The following DISC1 variants were observed in gnomAD, a reference collection of about 807,000 sequenced individuals.
DISC1 encodes the protein disrupted in schizophrenia 1 protein.
In DISC1, 57 loss-of-function variants were observed where a neutral mutation model predicts 84.5. The ratio of observed to expected loss-of-function variants is 0.67; its 90% CI spans 0.55 to 0.84. The LOEUF (loss-of-function observed/expected upper bound fraction) is 0.84, where lower values mean the gene tolerates loss of function less well. Among genes scored for constraint, DISC1 ranks in the 40% least tolerant of loss-of-function variants. The pLI is 0.00. For missense variants in DISC1, 1,000 were observed against 1,057.8 expected (o/e 0.95, Z 0.76); for synonymous variants, 411 against 415.2 (o/e 0.99, Z 0.12).
At chr1:231,724,599 T>G (rs1378116618) in intron 3 of DISC1, among the ~76,000 whole-genome samples, 10 of 152,222 alleles carry the variant, frequency 6.6e-5, no homozygotes, top group Admixed American at 6.5e-4. Context: ...TCTTTTCTTC[T>G]TCCTTCCTTT....
intron 10 of DISC1, among the ~76,000 whole-genome samples, chr1:231,966,399 A>C (rs1661126608): frequency 6.6e-6 from 1 of 152,234 alleles, no homozygotes; most frequent in Non-Finnish European, 1.5e-5. Context: ...TTATTTTCTC[A>C]ATTATTACAT....
At chr1:231,750,771 T>A (rs746022774) in intron 4 of DISC1, among the ~76,000 whole-genome samples, 1 of 152,180 alleles carries the variant, frequency 6.6e-6, no homozygotes, top group Non-Finnish European at 1.5e-5. Flanking sequence ...CCTTTCTCCC[T>A]AGGTAAAGGT....
intron 9 of DISC1, among the ~76,000 whole-genome samples, chr1:231,953,524 C>T (rs1004538800): frequency 4.6e-5 from 7 of 152,162 alleles, no homozygotes; most frequent in African/African-American, 7.2e-5. Context: ...TTCATTCACT[C>T]GAAGACAGCA....
intron 1 of DISC1, among the ~76,000 whole-genome samples, chr1:231,643,451 C>T (rs1239396929): frequency 6.6e-6 from 1 of 152,292 alleles, no homozygotes; most frequent in Non-Finnish European, 1.5e-5. Context: ...TTCCCCGGGA[C>T]GCTGATGTCC....
In DISC1 at chr1:232,039,566, A is replaced by C. The variant is rs140238958; in HGVS notation, c.*2735A>C. 1.3e-5 allele frequency: 2 copies of C among 152,164 alleles called. No homozygotes were observed. The highest frequency in any genetic ancestry group is 4.8e-5 in the African/African-American group (2 of 41,514). The allele number at this position is 152,164 out of a possible 1,614,324, so 9.4% of individuals were successfully genotyped here. A position where few individuals can be genotyped will look rare whatever the true frequency, so the allele number is the denominator to read the frequency against. On this transcript the variant is annotated 3_prime_UTR_variant, in exon 13 of 13. Transcript: ENST00000439617. ...TGCTTGGTCTTAGAGTATCATTCAG[A>C]AAGTCCGCTAAGGGCCAGCGTGCTT...
intron 12 of DISC1, among the ~76,000 whole-genome samples, chr1:232,030,552 T>C (rs1313140264): frequency 6.6e-6 from 1 of 152,236 alleles, no homozygotes; most frequent in African/African-American, 2.4e-5. Context: ...TCTCTGGTTA[T>C]TTGGAGTGCA....
intron 1 of DISC1, among the ~76,000 whole-genome samples, chr1:231,683,632 GTGGTT>G (rs1184749095): frequency 1.3e-5 from 2 of 151,534 alleles, no homozygotes; most frequent in Non-Finnish European, 2.9e-5. Context: ...GAATCCCAGT[GTGGTT>G]TCCTTGGATG....
chr1:231,795,469 C>T (rs1558558707), intron 7 of DISC1, among the ~76,000 whole-genome samples, 173 bp downstream of exon 7: 1 of 152,198 alleles, frequency 6.6e-6, no homozygotes, highest in Non-Finnish European at 1.5e-5. Flanking sequence ...GTGCTTCTGT[C>T]ATAGTGGAGG....
intron 10 of DISC1, among the ~76,000 whole-genome samples, chr1:231,996,023 G>C (rs1477998010): frequency 6.6e-6 from 1 of 152,160 alleles, no homozygotes; most frequent in Non-Finnish European, 1.5e-5. Flanking sequence ...ACTTTTTAAT[G>C]ATTGCCATTC....
chr1:231,745,244 C>T (rs1017925890), intron 3 of DISC1, among the ~76,000 whole-genome samples: 16 of 151,622 alleles, frequency 1.1e-4, no homozygotes, highest in East Asian at 7.8e-4. Flanking sequence ...TTTTTTGAGA[C>T]GTAGTTTTCC....
At chr1:231,812,189 A>G (rs2080372516) in intron 8 of DISC1, among the ~76,000 whole-genome samples, 1 of 152,078 alleles carries the variant, frequency 6.6e-6, no homozygotes, top group Admixed American at 6.6e-5. Context: ...CCAAGTAGCT[A>G]GGACTAAAGG....
At chr1:232,008,685 G>C (rs186899603) in intron 10 of DISC1, 100 bp from the exon 11 acceptor site, 1 of 1,373,886 alleles carries the variant, frequency 7.3e-7, no homozygotes, top group African/African-American at 1.4e-5. Context: ...TCAAGTATAA[G>C]ATGACCAGCT....
intron 1 of DISC1, among the ~76,000 whole-genome samples, chr1:231,672,746 A>T (rs1300367472): frequency 6.6e-6 from 1 of 152,114 alleles, no homozygotes; most frequent in African/African-American, 2.4e-5. Flanking sequence ...TTTCAATCTC[A>T]GAAGTACTTG....
At chr1:231,650,767 A>G (rs2060547635) in intron 1 of DISC1, among the ~76,000 whole-genome samples, 1 of 150,994 alleles carries the variant, frequency 6.6e-6, no homozygotes, top group Non-Finnish European at 1.5e-5. Context: ...GTTTCTTTTT[A>G]CTCTTTTTTC....
At chr1:232,006,406 CTTG>C (rs1248708766) in intron 10 of DISC1, among the ~76,000 whole-genome samples, 2 of 151,160 alleles carry the variant, frequency 1.3e-5, no homozygotes, top group Non-Finnish European at 2.9e-5. Flanking sequence ...AGATGAGGAA[CTTG>C]TTGGGAACTG....
intron 3 of DISC1, chr1:231,723,473 C>T: frequency 2.0e-6 from 2 of 985,472 alleles, no homozygotes; most frequent in Non-Finnish European, 2.4e-6. Flanking sequence ...TATTTCTGGT[C>T]TGGTTTAAGT....
chr1:231,871,220 A>G (rs2085435874), intron 9 of DISC1, among the ~76,000 whole-genome samples: 1 of 152,168 alleles, frequency 6.6e-6, no homozygotes, highest in Admixed American at 6.5e-5. Context: ...CTACAAATGC[A>G]TATATACTTT....
intron 1 of DISC1, among the ~76,000 whole-genome samples, chr1:231,656,165 A>G (rs905907190): frequency 6.6e-6 from 1 of 152,062 alleles, no homozygotes; most frequent in Non-Finnish European, 1.5e-5. Context: ...TGCCTAGGCT[A>G]CTATCCAAAA....
chr1:231,651,730 C>T (rs529200738), intron 1 of DISC1, among the ~76,000 whole-genome samples: 161 of 152,366 alleles, frequency 1.1e-3, no homozygotes, highest in East Asian at 1.4e-3. Flanking sequence ...TGGAGAGCTG[C>T]GGTGGGCTCC....
Sources: allele counts gnomAD v4.1 joint callset (sites outside exome capture counted in the v4.1 genomes callset), GRCh38; gene constraint gnomAD v4.1.1; transcripts MANE v1.5; gene names NCBI Gene and HGNC (gene_info 2026-07-23, HGNC 2026-07-21).